Variants in KCNC2 observed in about 807,000 individuals in gnomAD.
KCNC2 encodes the protein voltage-gated potassium channel KCNC2.
KCNC2 carries 21 observed loss-of-function variants against 44.5 expected under a neutral mutation model. The observed-to-expected ratio is 0.47, with a 90% CI of 0.33 to 0.68. The LOEUF is 0.68. Among genes scored for constraint, KCNC2 ranks in the 30% least tolerant of loss-of-function variants. KCNC2 has a pLI of 0.01. For missense variants in KCNC2, 589 were observed against 826.2 expected, an observed-to-expected ratio of 0.71 and a Z score of 3.52; for synonymous variants, 391 against 339.1, an observed-to-expected ratio of 1.15 and a Z score of -1.68.
At chr12:75,065,591 T>C (rs1483501465) in intron 2 of KCNC2, among the ~76,000 whole-genome samples, 1 of 152,094 alleles carries the variant, frequency 6.6e-6, no homozygotes, top group Non-Finnish European at 1.5e-5. Context: ...ACGCAATACT[T>C]ACCATTGTGT....
At chr12:75,060,626 T>C (rs554787943) in intron 2 of KCNC2, among the ~76,000 whole-genome samples, 13 of 151,824 alleles carry the variant, frequency 8.6e-5, no homozygotes, top group Non-Finnish European at 1.8e-4. Flanking sequence ...CCACCACACC[T>C]GGCTAATTTT....
chr12:75,145,553 C>A (rs1170800336), intron 2 of KCNC2, among the ~76,000 whole-genome samples: 4 of 151,596 alleles, frequency 2.6e-5, no homozygotes, highest in Non-Finnish European at 5.9e-5. Flanking sequence ...TTTTATATGA[C>A]CCCGTTAATA....
At chr12:75,118,136 G>A (rs191152045) in intron 2 of KCNC2, among the ~76,000 whole-genome samples, 5 of 152,236 alleles carry the variant, frequency 3.3e-5, no homozygotes, top group Middle Eastern at 3.4e-3. Flanking sequence ...AGATAGAGCA[G>A]AAATTACAAT....
At chr12:75,208,602 A>C in intron 1 of KCNC2, among the ~76,000 whole-genome samples, 1 of 112,910 alleles carries the variant, frequency 8.9e-6, no homozygotes, top group South Asian at 3.5e-4. Context: ...AAGAGCCCGG[A>C]TTCCACACCC....
intron 2 of KCNC2, among the ~76,000 whole-genome samples, chr12:75,197,466 C>T (rs1193895933): frequency 2.0e-5 from 3 of 151,968 alleles, no homozygotes; most frequent in African/African-American, 7.2e-5. Flanking sequence ...TCTTTGTTTC[C>T]TCCTTAACCT....
intron 2 of KCNC2, among the ~76,000 whole-genome samples, chr12:75,200,753 C>A (rs1307427581): frequency 6.6e-6 from 1 of 151,644 alleles, no homozygotes; most frequent in Non-Finnish European, 1.5e-5. Context: ...ACATTATGAA[C>A]AAAATATAAT....
intron 4 of KCNC2, chr12:75,043,674 G>A: frequency 7.5e-7 from 1 of 1,331,190 alleles, no homozygotes; most frequent in East Asian, 2.8e-5. Flanking sequence ...AGCCAATAAA[G>A]CATACTTAAG....
intron 2 of KCNC2, among the ~76,000 whole-genome samples, chr12:75,201,710 T>C (rs1040993710): frequency 6.6e-6 from 1 of 151,900 alleles, no homozygotes; most frequent in African/African-American, 2.4e-5. Context: ...GTGTTAGGAT[T>C]ATTACCATCC....
chr12:75,179,229 AG>A (rs1307410808), intron 2 of KCNC2, among the ~76,000 whole-genome samples: 1 of 151,998 alleles, frequency 6.6e-6, no homozygotes, highest in Non-Finnish European at 1.5e-5. Context: ...GAAATGATAC[AG>A]TATTTTATTT....
intron 2 of KCNC2, 54 bp from the exon 3 acceptor site, chr12:75,051,371 G>A (rs1881153265): frequency 2.0e-6 from 2 of 996,410 alleles, no homozygotes; most frequent in African/African-American, 1.6e-5. Flanking sequence ...CGTAATATAT[G>A]TTGATTCTAA....
In KCNC2 at chr12:75,209,244, T is replaced by C. The variant is rs1186602172; in HGVS notation, c.-57A>G. 1 of 152,242 alleles carries C rather than the reference T, an allele frequency of 6.6e-6. No homozygotes were observed. The highest frequency in any genetic ancestry group is 1.5e-5 in the Non-Finnish European group (1 of 68,104). The allele number at this position is 152,242 out of a possible 1,614,324, so 9.4% of individuals were successfully genotyped here. Reference sequence around the variant, plus strand: ...GAGAGAAAAGTGGTTCTGCTTTGGTTTCCGAGTGGACGAGGTTCTCTGGGC... The same window carrying C: ...GAGAGAAAAGTGGTTCTGCTTTGGTCTCCGAGTGGACGAGGTTCTCTGGGC... On this transcript the variant is annotated 5_prime_UTR_variant, in exon 1 of 5. Coordinates refer to ENST00000549446, the MANE Select transcript of KCNC2 (RefSeq NM_139137.4).
chr12:75,179,262 G>A (rs888627312), intron 2 of KCNC2, among the ~76,000 whole-genome samples: 23 of 151,860 alleles, frequency 1.5e-4, no homozygotes, highest in Admixed American at 7.2e-4. Context: ...TTCAGAGGGC[G>A]AAATTTTTTT....
chr12:75,046,781 C>T (rs533692998), intron 4 of KCNC2, among the ~76,000 whole-genome samples: 2 of 151,720 alleles, frequency 1.3e-5, no homozygotes, highest in Non-Finnish European at 2.9e-5. Context: ...GAAATAGATG[C>T]AAACAATGGA....
intron 2 of KCNC2, among the ~76,000 whole-genome samples, chr12:75,123,396 C>G (rs61932875): frequency 2.6e-5 from 4 of 152,242 alleles, no homozygotes; most frequent in South Asian, 4.1e-4. Context: ...TAAAAATACA[C>G]TTAAGGAGAA....
intron 4 of KCNC2, chr12:75,043,771 C>A: frequency 6.6e-7 from 1 of 1,510,772 alleles, no homozygotes; most frequent in Non-Finnish European, 8.8e-7. Flanking sequence ...GCATTTGGTG[C>A]CATTATCCAG....
intron 2 of KCNC2, among the ~76,000 whole-genome samples, chr12:75,117,218 T>G (rs544399893): frequency 6.6e-5 from 10 of 152,232 alleles, no homozygotes; most frequent in Non-Finnish European, 1.0e-4. Flanking sequence ...TTTCCGACGC[T>G]TTGAGAAGTT....
chr12:75,127,386 C>G (rs887707310), intron 2 of KCNC2, among the ~76,000 whole-genome samples: 2 of 152,046 alleles, frequency 1.3e-5, no homozygotes, highest in Non-Finnish European at 2.9e-5. Flanking sequence ...ACGGAGACAA[C>G]AGGCAGTCTC....
intron 2 of KCNC2, among the ~76,000 whole-genome samples, chr12:75,129,153 CG>C (rs1280502331): frequency 5.3e-5 from 8 of 152,076 alleles, no homozygotes; most frequent in Non-Finnish European, 1.2e-4. Context: ...CTTATAAAGA[CG>C]GGTTATGGTA....
chr12:75,091,952 TG>T (rs1885517379), intron 2 of KCNC2, among the ~76,000 whole-genome samples: 1 of 151,696 alleles, frequency 6.6e-6, no homozygotes, highest in Non-Finnish European at 1.5e-5. Context: ...ATTAGTTGAT[TG>T]AAGATAAAAA....
Sources: allele counts gnomAD v4.1 joint callset (sites outside exome capture counted in the v4.1 genomes callset), GRCh38; gene constraint gnomAD v4.1.1; transcripts MANE v1.5; gene names NCBI Gene and HGNC (gene_info 2026-07-23, HGNC 2026-07-21).